The following PTPRN2 variants were observed in gnomAD, a reference collection of about 807,000 sequenced individuals.
PTPRN2 encodes protein tyrosine phosphatase receptor type N2.
In PTPRN2, 74 loss-of-function variants were observed where a neutral mutation model predicts 118.8. The observed-to-expected ratio is 0.62, with a 90% CI of 0.52 to 0.76. The LOEUF is 0.76. Among genes scored for constraint, PTPRN2 ranks in the 30% least tolerant of loss-of-function variants. The probability of loss-of-function intolerance (pLI) is 0.00; values close to 1 mark genes in which losing one functional copy is unlikely to be tolerated. For missense variants in PTPRN2, 1,481 were observed against 1,394.4 expected, an observed-to-expected ratio of 1.06 and a Z score of -0.99; for synonymous variants, 641 against 608.0, an observed-to-expected ratio of 1.05 and a Z score of -0.80.
At chr7:158,207,268 T>TA (rs1366762383) in intron 3 of PTPRN2, among the ~76,000 whole-genome samples, 1 of 145,844 alleles carries the variant, frequency 6.9e-6, no homozygotes, top group African/African-American at 2.6e-5. Flanking sequence ...GCAATAAACA[T>TA]ACGTGTGCAT....
Position 158,495,394 on chromosome 7 carries a change from T to C in PTPRN2, c.113-5609A>G, listed in dbSNP as rs377236806. Among the ~76,000 whole-genome samples the C allele has an allele frequency of 1.6e-4, 24 of 152,194 alleles. No homozygotes were observed. In the East Asian group the frequency reaches 4.1e-3, roughly 26 times the overall value. On this transcript the variant is annotated intron_variant, in intron 1 of 22. Coordinates refer to ENST00000389418, the MANE Select transcript of PTPRN2 (RefSeq NM_002847.5). The stretch of plus-strand genomic sequence containing the variant: ...AGGGTGCCCAGGCTCCAACCCCACC[T>C]CCTCTGCAGCAAACACAAAGCCATG...
chr7:158,555,409 C>G lies in PTPRN2; in HGVS notation c.112+32149G>C, dbSNP rs1267595558. Among the ~76,000 whole-genome samples the G allele has an allele frequency of 6.6e-6, 1 of 152,186 alleles. No homozygotes were observed. Among genetic ancestry groups the G allele is most frequent in the African/African-American group, 2.4e-5 (1 of 41,442 alleles). ...CACGGCTCAGTGGTGCCCCTCGCCC[C>G]CACCGCTCTGCCCTGCCTTCCTCGC... On this transcript the variant is annotated intron_variant, in intron 1 of 22. Coordinates refer to ENST00000389418, the MANE Select transcript of PTPRN2 (RefSeq NM_002847.5). This position sits in a 1 kb window ranked among gnomAD's most constrained non-coding sequence, Gnocchi z 4.7.
At chr7:158,087,137 T>C (rs185725648) in intron 10 of PTPRN2, among the ~76,000 whole-genome samples, 1 of 152,322 alleles carries the variant, frequency 6.6e-6, no homozygotes, top group Non-Finnish European at 1.5e-5. Flanking sequence ...CCCTGCTCAG[T>C]CAGGAGGGGT....
rs1006497037 is a variant in PTPRN2, at chr7:157,703,397, C to A, written c.1789-20460G>T. 8.5e-5 allele frequency among the ~76,000 whole-genome samples: 13 copies of A among 152,238 alleles called. 1 individual carries two copies. The highest frequency in any genetic ancestry group is 1.0e-4 in the Non-Finnish European group (7 of 68,040). ...CACAGAGGGCCTGGGGCTGCCGCTG[C>A]TGAGCTGAGAGGACACCCTCAGCAC... On this transcript the variant is annotated intron_variant, in intron 12 of 22. Transcript: ENST00000389418.
intron 12 of PTPRN2, among the ~76,000 whole-genome samples, chr7:157,697,993 G>A (rs1413950979): frequency 2.0e-5 from 3 of 151,966 alleles, no homozygotes; most frequent in Non-Finnish European, 4.4e-5. Flanking sequence ...ATCTACCCAT[G>A]CATACTGGGT....
chr7:158,040,747 T>TTTTTTTTTTTG, intron 11 of PTPRN2, among the ~76,000 whole-genome samples: 1 of 150,520 alleles, frequency 6.6e-6, no homozygotes, highest in South Asian at 2.1e-4. Context: ...TTTTTTTTTT[T>TTTTTTTTTTTG]TTTGAGATGG....
chr7:158,145,847 T>A (rs1359206787), intron 6 of PTPRN2, among the ~76,000 whole-genome samples: 4 of 152,206 alleles, frequency 2.6e-5, no homozygotes, highest in Non-Finnish European at 5.9e-5. Context: ...TGGACTCCCA[T>A]GAAGAAAGGC....
intron 12 of PTPRN2, among the ~76,000 whole-genome samples, chr7:157,888,957 C>T (rs376380235): frequency 5.9e-5 from 9 of 152,164 alleles, no homozygotes; most frequent in African/African-American, 1.7e-4. Context: ...ATTACCCAGA[C>T]GTAACCACCA....
At chr7:158,432,631 T>C (rs1816304081) in intron 2 of PTPRN2, among the ~76,000 whole-genome samples, 2 of 152,188 alleles carry the variant, frequency 1.3e-5, no homozygotes, top group Non-Finnish European at 2.9e-5. Flanking sequence ...ATTAGAAATA[T>C]CACTTTACAA....
chr7:158,196,894 A>G (rs908724142), intron 4 of PTPRN2, among the ~76,000 whole-genome samples: 4 of 152,242 alleles, frequency 2.6e-5, no homozygotes, highest in East Asian at 1.9e-4. Flanking sequence ...TCTCTTAGAA[A>G]TACGACACTG....
intron 12 of PTPRN2, among the ~76,000 whole-genome samples, chr7:157,891,804 C>T (rs891273515): frequency 5.3e-5 from 8 of 152,188 alleles, no homozygotes; most frequent in Non-Finnish European, 8.8e-5. Context: ...ACCCAACTGC[C>T]TTGGAGCCCC....
chr7:157,597,614 C>T (rs1801420615), intron 16 of PTPRN2, among the ~76,000 whole-genome samples: 1 of 152,142 alleles, frequency 6.6e-6, no homozygotes, highest in Non-Finnish European at 1.5e-5. Context: ...GACAGGGTTG[C>T]AGGAGGGTCG....
chr7:157,927,287 G>A (rs185002407), intron 11 of PTPRN2, among the ~76,000 whole-genome samples: 5 of 53,644 alleles, frequency 9.3e-5, no homozygotes, highest in East Asian at 5.4e-4. Flanking sequence ...CCAGGGACCC[G>A]TCTGAGAGCA....
intron 12 of PTPRN2, chr7:157,862,733 C>T (rs118127899): frequency 0.019 from 2,969 of 152,372 alleles, 61 homozygotes; most frequent in South Asian, 0.077. Flanking sequence ...GGGCCTCTTA[C>T]CGGCCTGCAA....
intron 12 of PTPRN2, among the ~76,000 whole-genome samples, chr7:157,875,334 G>A (rs1324758542): frequency 6.6e-6 from 1 of 152,198 alleles, no homozygotes; most frequent in Non-Finnish European, 1.5e-5. Flanking sequence ...GAGGGAGCGC[G>A]TGAGGGCTTC....
chr7:157,553,971 CG>C (rs1405897001), intron 21 of PTPRN2, among the ~76,000 whole-genome samples: 1 of 134,158 alleles, frequency 7.5e-6, no homozygotes, highest in Non-Finnish European at 1.6e-5. Flanking sequence ...ACGGCCAGGC[CG>C]GGCGCCGGAT....
chr7:158,085,857 C>T lies in PTPRN2; in HGVS notation c.1644-4480G>A, dbSNP rs111602260. 4.0e-3 allele frequency among the ~76,000 whole-genome samples: 557 copies of T among 139,560 alleles called. 6 individuals carry two copies. Among genetic ancestry groups the T allele is most frequent in the African/African-American group, 0.014 (532 of 37,336 alleles). The allele number at this position is 139,560 out of a possible 152,430, so 91.6% of individuals were successfully genotyped here. ...CACACCCATGACGCCCATCCACACC[C>T]ACGACGCCCATCCACACCTACGACG... On this transcript the variant is annotated intron_variant, in intron 10 of 22. Coordinates refer to ENST00000389418, the MANE Select transcript of PTPRN2 (RefSeq NM_002847.5).
intron 12 of PTPRN2, among the ~76,000 whole-genome samples, chr7:157,774,116 C>G (rs57731892): frequency 0.012 from 1,755 of 152,284 alleles, 28 homozygotes; most frequent in African/African-American, 0.04. Flanking sequence ...GAGCTGGCTA[C>G]GGATGGGGCT....
chr7:158,395,492 G>T (rs191785430), intron 2 of PTPRN2, among the ~76,000 whole-genome samples: 1 of 67,968 alleles, frequency 1.5e-5, no homozygotes, highest in Non-Finnish European at 3.0e-5. Context: ...GGGGCGAGGG[G>T]TGCGGGGCGA....
Sources: allele counts gnomAD v4.1 joint callset (sites outside exome capture counted in the v4.1 genomes callset), GRCh38; gene constraint gnomAD v4.1.1; non-coding constraint Gnocchi (gnomAD v3.1); transcripts MANE v1.5; gene names NCBI Gene and HGNC (gene_info 2026-07-23, HGNC 2026-07-21).